Variants in PDE4D observed in about 807,000 individuals in gnomAD.
The protein encoded by PDE4D is phosphodiesterase 4D.
PDE4D carries 24 observed loss-of-function variants against 87.4 expected under a neutral mutation model. The ratio of observed to expected loss-of-function variants is 0.27; its 90% CI spans 0.20 to 0.39. The LOEUF is 0.39. Ranked by LOEUF, PDE4D falls within the 10% of genes least tolerant of loss-of-function variation. The probability of loss-of-function intolerance (pLI) is 1.00; values close to 1 mark genes in which losing one functional copy is unlikely to be tolerated. For synonymous variants in PDE4D, 384 were observed against 383.2 expected, an observed-to-expected ratio of 1.00 and a Z score of -0.02; for missense variants, 714 against 1,041.0, an observed-to-expected ratio of 0.69 and a Z score of 4.32.
rs534672157 is a variant in PDE4D at position 59,308,994 on chromosome 5, T to C, written c.456-93026A>G. On this transcript the variant is annotated intron_variant, in intron 1 of 14. Transcript: ENST00000340635. ...CACCTAGGAGGATTATGGCTTCCTC[T>C]GCTGAGTCATGCAGGTTGTCAGGGA... 1.2e-4 allele frequency among the ~76,000 whole-genome samples: 18 copies of C among 152,158 alleles called. No individual in the cohort carries two copies. The East Asian group carries it at 1.9e-3, about 16-fold the overall frequency.
intron 1 of PDE4D, among the ~76,000 whole-genome samples, chr5:59,773,636 A>G (rs1332211563): frequency 6.6e-6 from 1 of 152,056 alleles, no homozygotes; most frequent in Non-Finnish European, 1.5e-5. Flanking sequence ...AAGAAATTTT[A>G]ATTAAACTCC....
intron 8 of PDE4D, 30 bp downstream of exon 8, chr5:58,991,802 T>A: frequency 7.3e-7 from 1 of 1,368,242 alleles, no homozygotes; most frequent in South Asian, 1.9e-5. Context: ...CATTTAATAT[T>A]TATGATCCTG....
intron 1 of PDE4D, among the ~76,000 whole-genome samples, chr5:59,745,888 A>T (rs1403734793): frequency 6.6e-6 from 1 of 152,200 alleles, no homozygotes; most frequent in African/African-American, 2.4e-5. Flanking sequence ...AGAACCAACA[A>T]TTCAAACTCC....
At chr5:60,117,103 T>A (rs1190817097) in intron 2 of PDE4D, among the ~76,000 whole-genome samples, 1 of 152,102 alleles carries the variant, frequency 6.6e-6, no homozygotes, top group Non-Finnish European at 1.5e-5. Flanking sequence ...TTTTAAATAA[T>A]TATAATTATA....
chr5:59,574,091 TATAA>T (rs374817628), intron 1 of PDE4D, among the ~76,000 whole-genome samples: 262 of 5,678 alleles, frequency 0.046, 6 homozygotes, highest in African/African-American at 0.11. Context: ...TATTTATATA[TATAA>T]ATATATATTT....
chr5:60,039,786 A>T (rs569766260), intron 2 of PDE4D, among the ~76,000 whole-genome samples: 1 of 152,188 alleles, frequency 6.6e-6, no homozygotes, highest in Admixed American at 6.5e-5. Context: ...TCCTTTCCTC[A>T]GTGGTAAAAT....
chr5:60,018,884 G>A (rs1329975073), intron 2 of PDE4D, among the ~76,000 whole-genome samples: 1 of 151,974 alleles, frequency 6.6e-6, no homozygotes, highest in East Asian at 1.9e-4. Context: ...CAATAACAGT[G>A]GTAGACTTAA....
intron 1 of PDE4D, among the ~76,000 whole-genome samples, chr5:60,429,275 G>A (rs1367663350): frequency 6.6e-6 from 1 of 152,144 alleles, no homozygotes; most frequent in Admixed American, 6.5e-5. Flanking sequence ...ATTGTGAATA[G>A]GATTATGCTC....
At chr5:60,393,083 T>G (rs1315679156) in intron 1 of PDE4D, among the ~76,000 whole-genome samples, 1 of 152,246 alleles carries the variant, frequency 6.6e-6, no homozygotes, top group Non-Finnish European at 1.5e-5. Context: ...TGATGGACTT[T>G]TTTTGAAGGA....
upstream of PDE4D, among the ~76,000 whole-genome samples, chr5:59,897,387 T>G (rs868074198): frequency 9.9e-5 from 15 of 151,704 alleles, no homozygotes; most frequent in Non-Finnish European, 2.9e-5. Context: ...GAACACAGAG[T>G]GAGATGGCAA....
At chr5:60,490,609 C>T (rs889211675), upstream of PDE4D, 3 of 152,192 alleles carry the variant, frequency 2.0e-5, no homozygotes, top group African/African-American at 7.2e-5. Context: ...CCTGTCATCA[C>T]GATCAATTAA....
At chr5:60,163,847 T>C (rs562987380) in intron 2 of PDE4D, among the ~76,000 whole-genome samples, 1 of 152,100 alleles carries the variant, frequency 6.6e-6, no homozygotes, top group Non-Finnish European at 1.5e-5. Flanking sequence ...TGAATACAAA[T>C]GAAAAGAAGA....
At chr5:60,107,012 G>A (rs1187646174) in intron 2 of PDE4D, among the ~76,000 whole-genome samples, 2 of 151,894 alleles carry the variant, frequency 1.3e-5, no homozygotes. Flanking sequence ...TAAAATCAGA[G>A]GAGAACTGAA....
chr5:60,274,129 G>GT (rs1424498418), intron 1 of PDE4D, among the ~76,000 whole-genome samples: 1 of 151,932 alleles, frequency 6.6e-6, no homozygotes, highest in African/African-American at 2.4e-5. Context: ...GTATGAAGAG[G>GT]TAAACCTTGA....
Position 59,793,873 on chromosome 5 carries a change from CT to C in PDE4D, c.455+99294del, listed in dbSNP as rs1766115678. ...AGAGCAATTGCATTTTTAAGTGTTA[CT>C]ACTTAGGTATAAATGGTGATCATCT... On this transcript the variant is annotated intron_variant, in intron 1 of 14. Coordinates refer to ENST00000340635, the MANE Select transcript of PDE4D (RefSeq NM_001104631.2). Among the ~76,000 whole-genome samples, 3 of 152,270 alleles carry C rather than the reference CT, an allele frequency of 2.0e-5. No homozygotes were observed. The East Asian group carries it at 5.8e-4, about 29-fold the overall frequency.
Position 60,392,870 on chromosome 5 carries a change from A to G in PDE4D, c.-90+95072T>C, listed in dbSNP as rs371821546. Among the ~76,000 whole-genome samples, 13 of 152,326 alleles carry G rather than the reference A, an allele frequency of 8.5e-5. No individual in the cohort carries two copies. In the East Asian group the frequency reaches 1.3e-3, roughly 16 times the overall value. On this transcript the variant is annotated intron_variant, in intron 1 of 16. Transcript: ENST00000502484. ...CTCTCATGATCAAACATTTCTTCCTAGAGTTCCCCTAAGAAGGATACCACA... is the reference window on the plus strand; with the variant it reads ...CTCTCATGATCAAACATTTCTTCCTGGAGTTCCCCTAAGAAGGATACCACA...
chr5:59,598,696 A>G (rs537168140), intron 1 of PDE4D, among the ~76,000 whole-genome samples: 2 of 152,252 alleles, frequency 1.3e-5, no homozygotes, highest in South Asian at 2.1e-4. Flanking sequence ...TGATAGTGCT[A>G]AACTCCCAGT....
intron 1 of PDE4D, among the ~76,000 whole-genome samples, chr5:59,505,656 A>T (rs1428387057): frequency 1.3e-5 from 2 of 152,212 alleles, no homozygotes; most frequent in East Asian, 3.8e-4. Flanking sequence ...TTGGAAACCA[A>T]AAACAGATCC....
chr5:60,305,056 C>T (rs1394559231), intron 1 of PDE4D, among the ~76,000 whole-genome samples: 1 of 138,636 alleles, frequency 7.2e-6, no homozygotes, highest in East Asian at 1.9e-4. Context: ...CACACACACA[C>T]ACACACACAC....
Sources: gnomAD v4.1 joint callset for allele counts (sites outside exome capture counted in the v4.1 genomes callset) on GRCh38, gnomAD v4.1.1 for gene constraint, MANE v1.5 for transcripts, NCBI Gene and HGNC (gene_info 2026-07-23, HGNC 2026-07-21) for gene names.